CENPU: variants seen among roughly 807,000 people sequenced by gnomAD.
CENPU encodes the protein KSHV latent nuclear antigen interacting protein 1.
A neutral mutation model predicts 56.7 loss-of-function variants in CENPU; 46 were observed. The ratio of observed to expected loss-of-function variants is 0.81; its 90% CI spans 0.64 to 1.04. CENPU has a LOEUF of 1.04. CENPU is among the 50% of genes least tolerant of loss of function. CENPU has a pLI of 0.00. For synonymous variants in CENPU, 166 were observed against 163.0 expected, an observed-to-expected ratio of 1.02 and a Z score of -0.14; for missense variants, 510 against 490.1, an observed-to-expected ratio of 1.04 and a Z score of -0.38.
At chr4:184,733,412 C>T in intron 1 of CENPU, 31 of 993,460 alleles carry the variant, frequency 3.1e-5, no homozygotes, top group Non-Finnish European at 3.7e-5. Flanking sequence ...CCGCCAGATC[C>T]AGGCCGGGCC....
intron 4 of CENPU, among the ~76,000 whole-genome samples, chr4:184,723,335 G>T (rs992793138): frequency 6.6e-6 from 1 of 152,094 alleles, no homozygotes; most frequent in African/African-American, 2.4e-5. Context: ...GGACATATGA[G>T]AAATTAATAA....
At chr4:184,710,774 G>C (rs184454170) in intron 7 of CENPU, among the ~76,000 whole-genome samples, 2 of 152,120 alleles carry the variant, frequency 1.3e-5, no homozygotes, top group African/African-American at 4.8e-5. Context: ...GAAAATATCT[G>C]TGAATGCATT....
intron 1 of CENPU, chr4:184,733,443 G>T: frequency 1.0e-6 from 1 of 986,968 alleles, no homozygotes. Flanking sequence ...ATTCGCCAAC[G>T]AATCAGCGAC....
At chr4:184,709,226 C>T (rs746097295) in intron 8 of CENPU, among the ~76,000 whole-genome samples, 2 of 152,066 alleles carry the variant, frequency 1.3e-5, no homozygotes, top group Non-Finnish European at 2.9e-5. Flanking sequence ...CAGTGGCTCA[C>T]GTCTATAATC....
intron 10 of CENPU, 100 bp from the exon 11 acceptor site, chr4:184,700,981 C>T: frequency 1.1e-6 from 1 of 912,778 alleles, no homozygotes; most frequent in Non-Finnish European, 1.8e-6. Flanking sequence ...ACAAGACAGA[C>T]CCAGTTCTTA....
At chr4:184,713,299 G>A (rs1448454636) in intron 6 of CENPU, among the ~76,000 whole-genome samples, 1 of 152,212 alleles carries the variant, frequency 6.6e-6, no homozygotes. Context: ...GCTGAGGCAG[G>A]AGAATTGCTT....
chr4:184,731,153 G>C (rs1054478918), intron 1 of CENPU, among the ~76,000 whole-genome samples, 185 bp from the exon 2 acceptor site: 1 of 151,960 alleles, frequency 6.6e-6, no homozygotes, highest in African/African-American at 2.4e-5. Flanking sequence ...CTCCCCCTCA[G>C]GGACATGGAA....
intron 4 of CENPU, among the ~76,000 whole-genome samples, chr4:184,721,448 G>A (rs1579787285): frequency 9.9e-6 from 1 of 101,266 alleles, no homozygotes; most frequent in South Asian, 4.0e-4. Context: ...GACATAGAGT[G>A]GCTGATTGTA....
chr4:184,733,559 C>G (rs1362422046), intron 1 of CENPU: 1 of 259,318 alleles, frequency 3.9e-6, no homozygotes, highest in Non-Finnish European at 6.2e-6. Context: ...CTCGGTCCCC[C>G]AGCCGGATTT....
Position 184,710,099 on chromosome 4 carries a change from T to A in CENPU, c.770A>T (p.Glu257Val), listed in dbSNP as rs527275460. 2.0e-5 allele frequency: 33 copies of A among 1,611,042 alleles called. No individual in the cohort carries two copies. The highest frequency in any genetic ancestry group is 2.5e-5 in the Non-Finnish European group (30 of 1,178,162). The part of the protein sequence containing the change: ...DIKELNIVLP[E>V]FEKTHLEHQQ... ...ATGCTCTAGGTGGGTTTTCTCAAATTCAGGCAAAACAATATTCAACTCCTT... is the reference window on the plus strand; with the variant it reads ...ATGCTCTAGGTGGGTTTTCTCAAATACAGGCAAAACAATATTCAACTCCTT... The change falls in exon 8 of 13, where the codon GAA becomes GTA. Residue 257 changes from glutamate to valine, a missense_variant. Coordinates refer to ENST00000281453, the MANE Select transcript of CENPU (RefSeq NM_024629.4).
At chr4:184,696,050 T>C (rs934295397) in intron 12 of CENPU, among the ~76,000 whole-genome samples, 3 of 152,244 alleles carry the variant, frequency 2.0e-5, no homozygotes, top group African/African-American at 4.8e-5. Context: ...TTGCAAATTG[T>C]ATCTAAGGGT....
intron 8 of CENPU, among the ~76,000 whole-genome samples, chr4:184,706,594 T>C (rs1760736513): frequency 6.6e-6 from 1 of 152,222 alleles, no homozygotes. Context: ...TTATCATCAG[T>C]TCATACTGAT....
Position 184,725,049 on chromosome 4 carries a change from A to G in CENPU, c.228T>C (p.His76=), listed in dbSNP as rs1761406886. The G allele has an allele frequency of 1.2e-6, 2 of 1,606,842 alleles. No individual in the cohort carries two copies. The highest frequency in any genetic ancestry group is 4.5e-5 in the East Asian group (2 of 44,730). ...CTTCATCAGCATATATAGCTGTGCT[A>G]TGTAAAGGAGGATCTTTCAAAAGAC... ...ETYETFDPPL[H]STAIYADEEE... The change falls in exon 4 of 13, where the codon CAT becomes CAC. Residue 76 remains histidine (H), a synonymous_variant. Transcript: ENST00000281453.
intron 4 of CENPU, among the ~76,000 whole-genome samples, 164 bp from the exon 5 acceptor site, chr4:184,717,360 A>G (rs1761128836): frequency 6.6e-6 from 1 of 152,172 alleles, no homozygotes; most frequent in South Asian, 2.1e-4. Context: ...GCTGCCTCCC[A>G]CATCTTCCCA....
At chr4:184,706,790 G>C (rs536138141) in intron 8 of CENPU, among the ~76,000 whole-genome samples, 69 of 152,286 alleles carry the variant, frequency 4.5e-4, no homozygotes, top group African/African-American at 1.5e-3. Flanking sequence ...AAAAACACAA[G>C]GTTGTACTGC....
intron 4 of CENPU, among the ~76,000 whole-genome samples, chr4:184,721,249 C>A (rs1328450225): frequency 6.6e-6 from 1 of 151,374 alleles, no homozygotes; most frequent in African/African-American, 2.4e-5. Flanking sequence ...ATAATAAATA[C>A]AACAAATACA....
intron 4 of CENPU, among the ~76,000 whole-genome samples, chr4:184,719,838 T>C (rs1761216300): frequency 6.6e-6 from 1 of 152,214 alleles, no homozygotes; most frequent in Non-Finnish European, 1.5e-5. Context: ...GTCAGGGTCA[T>C]GAGACCCCCT....
At chr4:184,711,046 G>A (rs1309988389) in intron 7 of CENPU, among the ~76,000 whole-genome samples, 2 of 152,056 alleles carry the variant, frequency 1.3e-5, no homozygotes, top group East Asian at 1.9e-4. Flanking sequence ...TTGTAAAGGT[G>A]GGGTCCCACT....
intron 4 of CENPU, among the ~76,000 whole-genome samples, chr4:184,723,712 A>T (rs929099938): frequency 2.6e-5 from 4 of 151,858 alleles, no homozygotes; most frequent in African/African-American, 9.7e-5. Flanking sequence ...ACATGGTGGC[A>T]CGTGCCTGTA....
Sources: allele counts gnomAD v4.1 joint callset (sites outside exome capture counted in the v4.1 genomes callset), GRCh38; gene constraint gnomAD v4.1.1; transcripts MANE v1.5; gene names NCBI Gene and HGNC (gene_info 2026-07-23, HGNC 2026-07-21).